TMEM132D: variants seen among roughly 807,000 people sequenced by gnomAD.
TMEM132D encodes the protein mature OL transmembrane protein.
Under a neutral mutation model 62.3 loss-of-function variants are expected in TMEM132D, and 21 were observed. The observed-to-expected ratio is 0.34, with a 90% CI of 0.24 to 0.49. The LOEUF (loss-of-function observed/expected upper bound fraction) is 0.49. TMEM132D is among the 20% of genes least tolerant of loss of function. The pLI, the probability that TMEM132D is intolerant of heterozygous loss-of-function variation, is 0.99. For synonymous variants in TMEM132D, 621 were observed against 575.6 expected, an observed-to-expected ratio of 1.08 and a Z score of -1.13; for missense variants, 1,346 against 1,402.8, an observed-to-expected ratio of 0.96 and a Z score of 0.65.
chr12:129,747,692 C>A (rs1008658571), intron 1 of TMEM132D, among the ~76,000 whole-genome samples: 1 of 150,496 alleles, frequency 6.6e-6, no homozygotes, highest in Non-Finnish European at 1.5e-5. Flanking sequence ...GACATGCACT[C>A]AGACACACTC....
chr12:129,839,587 A>G (rs1425215678), intron 1 of TMEM132D, among the ~76,000 whole-genome samples: 1 of 152,184 alleles, frequency 6.6e-6, no homozygotes, highest in African/African-American at 2.4e-5. Context: ...CTTAAAGTAC[A>G]TAGGTAGTTT....
intron 2 of TMEM132D, among the ~76,000 whole-genome samples, chr12:129,548,904 A>G (rs1198863286): frequency 6.6e-6 from 1 of 152,272 alleles, no homozygotes; most frequent in Non-Finnish European, 1.5e-5. Flanking sequence ...CAAAGACTGG[A>G]TATTTCCTTA....
chr12:129,680,378 A>G (rs1429323847), intron 2 of TMEM132D, among the ~76,000 whole-genome samples: 1 of 152,212 alleles, frequency 6.6e-6, no homozygotes, highest in East Asian at 1.9e-4. Flanking sequence ...ACCTTTGCAT[A>G]ACAAGTTCAC....
At chr12:129,494,706 C>T (rs576119213) in intron 3 of TMEM132D, among the ~76,000 whole-genome samples, 35 of 152,152 alleles carry the variant, frequency 2.3e-4, no homozygotes, top group African/African-American at 8.2e-4. Context: ...ATGATATGTC[C>T]CTCCTCCAAA....
intron 2 of TMEM132D, among the ~76,000 whole-genome samples, chr12:129,615,550 G>C (rs988363619): frequency 6.7e-6 from 1 of 149,440 alleles, no homozygotes; most frequent in African/African-American, 2.5e-5. Context: ...CAGGAGTTTG[G>C]GATCAGCATG....
intron 3 of TMEM132D, among the ~76,000 whole-genome samples, chr12:129,399,972 T>C (rs1365699909): frequency 6.6e-6 from 1 of 152,118 alleles, no homozygotes; most frequent in East Asian, 1.9e-4. Flanking sequence ...GAAAACATTA[T>C]TTCATAAATA....
chr12:129,259,752 G>T (rs969762457), intron 4 of TMEM132D, among the ~76,000 whole-genome samples: 3 of 152,144 alleles, frequency 2.0e-5, no homozygotes, highest in Admixed American at 6.5e-5. Flanking sequence ...AACCATTTTA[G>T]AAGAAAAGCT....
intron 5 of TMEM132D, among the ~76,000 whole-genome samples, chr12:129,209,155 T>C (rs1251013408): frequency 1.3e-5 from 2 of 152,146 alleles, no homozygotes; most frequent in Non-Finnish European, 2.9e-5. Context: ...TACCCATCCA[T>C]CTAGGTTCTA....
intron 5 of TMEM132D, among the ~76,000 whole-genome samples, chr12:129,139,112 A>G (rs1162963457): frequency 6.6e-6 from 1 of 152,194 alleles, no homozygotes; most frequent in Non-Finnish European, 1.5e-5. Flanking sequence ...ATCCCAATTT[A>G]CAGATAGGAA....
intron 3 of TMEM132D, among the ~76,000 whole-genome samples, chr12:129,470,047 A>C (rs1874048675): frequency 6.6e-6 from 1 of 152,210 alleles, no homozygotes; most frequent in African/African-American, 2.4e-5. Context: ...TATGTGAATC[A>C]ACCTAGAATC....
chr12:129,101,890 G>T (rs1200107530), intron 5 of TMEM132D, among the ~76,000 whole-genome samples: 1 of 151,476 alleles, frequency 6.6e-6, no homozygotes, highest in Non-Finnish European at 1.5e-5. Flanking sequence ...CAATATTTTT[G>T]AAAATATAGA....
At chr12:129,672,880 T>C (rs1428498542) in intron 2 of TMEM132D, among the ~76,000 whole-genome samples, 1 of 152,164 alleles carries the variant, frequency 6.6e-6, no homozygotes, top group East Asian at 1.9e-4. Flanking sequence ...CTCCAGTAGC[T>C]GGGACTACAT....
At position 129,273,115 on chromosome 12, in the gene TMEM132D, G is replaced by A. The variant is rs1331312222; in HGVS notation, c.1300-63452C>T. ...GCAGGCTGAGGCACGAGAATCAATT[G>A]AATCTGGGAGGTGGAGGTTGCAGTG... On this transcript the variant is annotated intron_variant, in intron 4 of 8. Transcript: ENST00000422113. 1.3e-5 allele frequency among the ~76,000 whole-genome samples: 2 copies of A among 151,824 alleles called. 1 individual carries two copies. Among genetic ancestry groups the A allele is most frequent in the African/African-American group, 4.9e-5 (2 of 41,070 alleles).
chr12:129,690,618 C>G (rs1299907396), intron 2 of TMEM132D, among the ~76,000 whole-genome samples: 1 of 152,104 alleles, frequency 6.6e-6, no homozygotes, highest in Non-Finnish European at 1.5e-5. Context: ...TACATAATGA[C>G]AAATGGGCTA....
In TMEM132D at chr12:129,392,348, G is replaced by A. The variant is rs1012127033; in HGVS notation, c.1116-54531C>T. The stretch of plus-strand genomic sequence containing the variant: ...GCTGGGATTACAGGCATGAGCCACC[G>A]CCCCCTGCCTGGCCTCAGTATTTCT... On this transcript the variant is annotated intron_variant, in intron 3 of 8. Coordinates refer to ENST00000422113, the MANE Select transcript of TMEM132D (RefSeq NM_133448.3). 2.6e-5 allele frequency among the ~76,000 whole-genome samples: 4 copies of A among 151,714 alleles called. No homozygotes were observed. In the East Asian group the frequency reaches 7.8e-4, roughly 29 times the overall value.
At chr12:129,372,686 C>T (rs575396652) in intron 3 of TMEM132D, among the ~76,000 whole-genome samples, 7 of 151,946 alleles carry the variant, frequency 4.6e-5, no homozygotes, top group Admixed American at 3.3e-4. Flanking sequence ...AGGTTGTGTG[C>T]TCCTTATGAG....
At chr12:129,556,941 T>A (rs530754875) in intron 2 of TMEM132D, among the ~76,000 whole-genome samples, 10 of 152,326 alleles carry the variant, frequency 6.6e-5, no homozygotes, top group Non-Finnish European at 1.3e-4. Flanking sequence ...ACATTTAAAA[T>A]TTTCCCTCCT....
At chr12:129,652,088 A>T (rs1226503960) in intron 2 of TMEM132D, among the ~76,000 whole-genome samples, 1 of 152,230 alleles carries the variant, frequency 6.6e-6, no homozygotes, top group Non-Finnish European at 1.5e-5. Context: ...AGAGGCATGT[A>T]TAATCTCCAA....
At chr12:129,892,651 T>C (rs1242621904) in intron 1 of TMEM132D, among the ~76,000 whole-genome samples, 3 of 152,190 alleles carry the variant, frequency 2.0e-5, no homozygotes, top group Non-Finnish European at 2.9e-5. Context: ...TAAGTAATAA[T>C]AGGAATTACT....
Sources: allele counts gnomAD v4.1 joint callset (sites outside exome capture counted in the v4.1 genomes callset), GRCh38; gene constraint gnomAD v4.1.1; transcripts MANE v1.5; gene names NCBI Gene and HGNC (gene_info 2026-07-23, HGNC 2026-07-21).